GSK3B: variants seen among roughly 807,000 people sequenced by gnomAD.
GSK3B encodes the protein glycogen synthase kinase-3 beta.
In GSK3B, 15 loss-of-function variants were observed where a neutral mutation model predicts 56.4. The ratio of observed to expected loss-of-function variants is 0.27; its 90% CI spans 0.18 to 0.41. GSK3B has a LOEUF of 0.41. Among genes scored for constraint, GSK3B ranks in the 10% least tolerant of loss-of-function variants. The pLI is 1.00. For synonymous variants in GSK3B, 181 were observed against 188.9 expected, an observed-to-expected ratio of 0.96 and a Z score of 0.34; for missense variants, 300 against 513.4, an observed-to-expected ratio of 0.58 and a Z score of 4.02.
At chr3:119,858,194 T>G (rs1470264420) in intron 9 of GSK3B, among the ~76,000 whole-genome samples, 2 of 152,278 alleles carry the variant, frequency 1.3e-5, no homozygotes, top group East Asian at 3.9e-4. Context: ...TCTTAGCCCA[T>G]AACAAATGAG....
At chr3:119,968,639 G>A in intron 2 of GSK3B, among the ~76,000 whole-genome samples, 1 of 151,974 alleles carries the variant, frequency 6.6e-6, no homozygotes, top group East Asian at 1.9e-4. Flanking sequence ...AAACTCTACA[G>A]CTAACATCAC....
chr3:119,930,080 T>TACACACAC (rs71619762), intron 3 of GSK3B, among the ~76,000 whole-genome samples: 7,984 of 133,492 alleles, frequency 0.06, 249 homozygotes, highest in South Asian at 0.076. Context: ...TTCTGTCTCC[T>TACACACAC]ACACACACAC....
At chr3:119,842,702 C>G (rs1280563101) in intron 10 of GSK3B, among the ~76,000 whole-genome samples, 1 of 151,964 alleles carries the variant, frequency 6.6e-6, no homozygotes, top group African/African-American at 2.4e-5. Context: ...GAGTGATCCT[C>G]TCACTAAGAT....
Position 120,037,187 on chromosome 3 carries a change from C to T in GSK3B, c.89-34948G>A, listed in dbSNP as rs540906154. Among the ~76,000 whole-genome samples the T allele has an allele frequency of 4.6e-5, 7 of 152,178 alleles. No individual in the cohort carries two copies. The East Asian group carries it at 9.6e-4, about 21-fold the overall frequency. On this transcript the variant is annotated intron_variant, in intron 1 of 10. Coordinates refer to ENST00000264235, the MANE Select transcript of GSK3B (RefSeq NM_001146156.2). ...TTTGCTATTTTACTCAAGGTATTGCCCTAAAGGACCCTTGTTTATCTTACT... is the reference window on the plus strand; with the variant it reads ...TTTGCTATTTTACTCAAGGTATTGCTCTAAAGGACCCTTGTTTATCTTACT...
At chr3:119,828,503 A>G (rs2055550078) in intron 10 of GSK3B, among the ~76,000 whole-genome samples, 2 of 152,358 alleles carry the variant, frequency 1.3e-5, no homozygotes, top group East Asian at 3.9e-4. Context: ...GGTTGGTGAC[A>G]CCGAAAGGCA....
chr3:119,979,401 T>C (rs1314687053), intron 2 of GSK3B, among the ~76,000 whole-genome samples: 1 of 152,186 alleles, frequency 6.6e-6, no homozygotes, highest in East Asian at 1.9e-4. Flanking sequence ...TCCCCCTGCA[T>C]CTGCTCCTAG....
chr3:119,877,210 C>T (rs2108049701), intron 7 of GSK3B, among the ~76,000 whole-genome samples: 1 of 152,152 alleles, frequency 6.6e-6, no homozygotes, highest in East Asian at 1.9e-4. Context: ...TTGCAATAAT[C>T]ACATCTGAGA....
intron 1 of GSK3B, among the ~76,000 whole-genome samples, chr3:120,078,839 C>A (rs1447677208): frequency 6.6e-6 from 1 of 151,102 alleles, no homozygotes; most frequent in Non-Finnish European, 1.5e-5. Context: ...ACGTGAGCCA[C>A]CGCACCTGGC....
chr3:120,022,773 T>G (rs2057890478), intron 1 of GSK3B, among the ~76,000 whole-genome samples: 1 of 152,188 alleles, frequency 6.6e-6, no homozygotes, highest in Admixed American at 6.5e-5. Flanking sequence ...ACTGGCTCTA[T>G]TAAATAAAAG....
At chr3:119,961,292 A>C (rs1004442191) in intron 2 of GSK3B, among the ~76,000 whole-genome samples, 1 of 152,140 alleles carries the variant, frequency 6.6e-6, no homozygotes, top group East Asian at 1.9e-4. Flanking sequence ...TATATATAAC[A>C]ACAGCACTAA....
chr3:120,060,183 T>A (rs114719808), intron 1 of GSK3B, among the ~76,000 whole-genome samples: 2 of 152,114 alleles, frequency 1.3e-5, no homozygotes, highest in African/African-American at 4.8e-5. Flanking sequence ...AAATCTATTA[T>A]ACATTACAAG....
At chr3:119,899,340 A>G (rs1293776775) in intron 7 of GSK3B, among the ~76,000 whole-genome samples, 1 of 152,162 alleles carries the variant, frequency 6.6e-6, no homozygotes, top group African/African-American at 2.4e-5. Context: ...AACAGTAGAA[A>G]GTGATACCTG....
chr3:119,950,340 T>C (rs1318395426), intron 2 of GSK3B, among the ~76,000 whole-genome samples: 4 of 152,202 alleles, frequency 2.6e-5, no homozygotes, highest in African/African-American at 7.2e-5. Context: ...GAGGTTAAGA[T>C]ATGAACATCA....
At chr3:119,878,390 G>C (rs1035812744) in intron 7 of GSK3B, among the ~76,000 whole-genome samples, 2 of 152,004 alleles carry the variant, frequency 1.3e-5, no homozygotes, top group African/African-American at 4.8e-5. Context: ...AATCATTAGG[G>C]AAATGCTAAT....
chr3:119,974,544 C>T (rs1028513711), intron 2 of GSK3B, among the ~76,000 whole-genome samples: 3 of 152,190 alleles, frequency 2.0e-5, no homozygotes, highest in East Asian at 1.9e-4. Flanking sequence ...CCTCACCAGA[C>T]ACTGAATCTG....
At chr3:120,027,210 A>C (rs2057935732) in intron 1 of GSK3B, among the ~76,000 whole-genome samples, 1 of 151,222 alleles carries the variant, frequency 6.6e-6, no homozygotes, top group African/African-American at 2.4e-5. Flanking sequence ...CCCTGTCTCT[A>C]CTAAAAATAC....
chr3:119,841,599 C>T (rs906335188), intron 10 of GSK3B, among the ~76,000 whole-genome samples: 4 of 152,178 alleles, frequency 2.6e-5, no homozygotes, highest in African/African-American at 7.2e-5. Context: ...AAGCAGATTT[C>T]AGCACACTTT....
At chr3:119,983,435 A>T (rs1384736988) in intron 2 of GSK3B, among the ~76,000 whole-genome samples, 1 of 152,108 alleles carries the variant, frequency 6.6e-6, no homozygotes, top group African/African-American at 2.4e-5. Flanking sequence ...GTCAAGACCC[A>T]TCAGTGTGCT....
chr3:120,030,776 C>A (rs1016436150), intron 1 of GSK3B, among the ~76,000 whole-genome samples: 4 of 152,170 alleles, frequency 2.6e-5, no homozygotes, highest in African/African-American at 9.7e-5. Context: ...GTAACCAGTT[C>A]TTTTCCTTCA....
Sources: gnomAD v4.1 joint callset for allele counts (sites outside exome capture counted in the v4.1 genomes callset) on GRCh38, gnomAD v4.1.1 for gene constraint, MANE v1.5 for transcripts, NCBI Gene and HGNC (gene_info 2026-07-23, HGNC 2026-07-21) for gene names.